The following KIAA1549L variants were observed in gnomAD, a reference collection of about 807,000 sequenced individuals.
The protein encoded by KIAA1549L is KIAA1549 like, also known as UPF0606 protein KIAA1549L.
In KIAA1549L, 88 loss-of-function variants were observed where a neutral mutation model predicts 160.7. The observed-to-expected ratio is 0.55, with a 90% CI of 0.46 to 0.65. KIAA1549L has a LOEUF of 0.65. Among genes scored for constraint, KIAA1549L ranks in the 30% least tolerant of loss-of-function variants. KIAA1549L has a pLI of 0.00. For missense variants in KIAA1549L, 2,258 were observed against 2,437.5 expected, an observed-to-expected ratio of 0.93 and a Z score of 1.55; for synonymous variants, 950 against 976.7, an observed-to-expected ratio of 0.97 and a Z score of 0.51.
At chr11:33,662,380 G>A (rs1243975290) in intron 20 of KIAA1549L, among the ~76,000 whole-genome samples, 1 of 152,144 alleles carries the variant, frequency 6.6e-6, no homozygotes, top group East Asian at 1.9e-4. Flanking sequence ...TGTAAACTTG[G>A]AGTAAATAAG....
At chr11:33,435,798 A>ATGTGTGTGTGTGTGTGTGTGTG (rs1254104673) in intron 1 of KIAA1549L, among the ~76,000 whole-genome samples, 1 of 7,626 alleles carries the variant, frequency 1.3e-4, no homozygotes, top group African/African-American at 8.1e-4. Context: ...ATATATATAT[A>ATGTGTGTGTGTGTGTGTGTGTG]TATATATATA....
At position 33,547,865 on chromosome 11, in the gene KIAA1549L, G is replaced by C; in HGVS notation, c.3487G>C (p.Asp1163His). 2 of 1,611,126 alleles carry C rather than the reference G, an allele frequency of 1.2e-6. No individual in the cohort carries two copies. The highest frequency in any genetic ancestry group is 1.7e-6 in the Non-Finnish European group (2 of 1,177,708). The part of the protein sequence containing the change: ...QALRKAFHQN[D>H]VSAHVDILEY... ...ATTGCGGAAGGCTTTCCACCAGAAC[G>C]ATGTCTCAGCTCACGTAAGTGCTTT... Residue 1163 changes from aspartate to histidine, a missense_variant, in exon 4 of 21, where the codon GAT becomes CAT. By Grantham distance (81) the Asp-to-His change is moderately conservative. Around this residue, in one of 6 missense-constraint regions of KIAA1549L, gnomAD observed 1,359 missense variants for 1,546.6 expected, o/e 0.88. Coordinates refer to ENST00000658780, the MANE Select transcript of KIAA1549L (RefSeq NM_012194.3).
intron 16 of KIAA1549L, among the ~76,000 whole-genome samples, chr11:33,638,083 T>G (rs1019930843): frequency 6.6e-6 from 1 of 152,216 alleles, no homozygotes; most frequent in African/African-American, 2.4e-5. Flanking sequence ...GCTAGCTATG[T>G]CAATCTGTTT....
chr11:33,491,842 C>A (rs1852671933), intron 1 of KIAA1549L, among the ~76,000 whole-genome samples: 1 of 152,148 alleles, frequency 6.6e-6, no homozygotes, highest in Non-Finnish European at 1.5e-5. Flanking sequence ...ACTACTGGGA[C>A]AAAGAGGGCA....
Position 33,645,061 on chromosome 11 carries a change from G to A in KIAA1549L, c.5410-625G>A, listed in dbSNP as rs146423559. ...GTTCAGTGAAGAAAGGCAGGAGAAC[G>A]TTCTAGATCAGTAGATTTCAAATTT... On this transcript the variant is annotated intron_variant, in intron 16 of 20. Coordinates refer to ENST00000658780, the MANE Select transcript of KIAA1549L (RefSeq NM_012194.3). 1.4e-4 allele frequency among the ~76,000 whole-genome samples: 22 copies of A among 152,350 alleles called. No individual in the cohort carries two copies. The South Asian group carries it at 1.4e-3, about 10-fold the overall frequency.
intron 1 of KIAA1549L, among the ~76,000 whole-genome samples, chr11:33,499,707 CA>C (rs1245760432): frequency 6.6e-6 from 1 of 152,200 alleles, no homozygotes; most frequent in Non-Finnish European, 1.5e-5. Context: ...ATCATTTCAT[CA>C]CATTGTAATC....
intron 1 of KIAA1549L, among the ~76,000 whole-genome samples, chr11:33,477,507 G>GCGCA (rs1554981523): frequency 2.6e-4 from 34 of 131,820 alleles, no homozygotes; most frequent in African/African-American, 1.2e-3. Flanking sequence ...GCAGGTGCAC[G>GCGCA]CACACACACA....
intron 1 of KIAA1549L, among the ~76,000 whole-genome samples, chr11:33,528,094 G>A (rs934365048): frequency 2.6e-5 from 4 of 152,146 alleles, no homozygotes; most frequent in South Asian, 4.1e-4. Flanking sequence ...CCATGATTGC[G>A]AGGCCTCCCC....
At chr11:33,585,110 C>T (rs978701125) in intron 11 of KIAA1549L, among the ~76,000 whole-genome samples, 6 of 152,180 alleles carry the variant, frequency 3.9e-5, no homozygotes, top group African/African-American at 9.7e-5. Flanking sequence ...AATGCCAAAG[C>T]GAGTTGTTCT....
intron 1 of KIAA1549L, among the ~76,000 whole-genome samples, chr11:33,419,479 CT>C (rs1430784647): frequency 1.3e-5 from 2 of 152,146 alleles, no homozygotes; most frequent in African/African-American, 4.8e-5. Context: ...AGATTTATTA[CT>C]CTTTGGGATT....
chr11:33,476,130 T>C (rs1317404903), intron 1 of KIAA1549L, among the ~76,000 whole-genome samples: 2 of 152,240 alleles, frequency 1.3e-5, no homozygotes, highest in Non-Finnish European at 2.9e-5. Context: ...TCTATTACTG[T>C]GCTGAAATTG....
intron 1 of KIAA1549L, among the ~76,000 whole-genome samples, chr11:33,520,224 C>T (rs1439234320): frequency 6.6e-6 from 1 of 152,042 alleles, no homozygotes; most frequent in Non-Finnish European, 1.5e-5. Context: ...TACAGTAGAT[C>T]TCCAGATCTT....
At chr11:33,444,794 G>T (rs181623986) in intron 1 of KIAA1549L, among the ~76,000 whole-genome samples, 6 of 152,354 alleles carry the variant, frequency 3.9e-5, no homozygotes, top group Non-Finnish European at 8.8e-5. Flanking sequence ...ACCAGTATTT[G>T]AGTTCAGGGA....
rs777719956 is a variant in KIAA1549L at position 33,656,083 on chromosome 11, T to C, written c.5832T>C (p.Gly1944=). ...SPPPPVPPRT[G]PVAVASLRRS... is the part of the protein sequence containing the mutation. ...CTCCACCCGTACCTCCCCGGACTGGTCCTGTGGCTGTCGCTTCTCTCAGGC... is the reference window on the plus strand; with the variant it reads ...CTCCACCCGTACCTCCCCGGACTGGCCCTGTGGCTGTCGCTTCTCTCAGGC... Residue 1944 remains glycine (G), a synonymous_variant, in exon 18 of 21, where the codon GGT becomes GGC. Coordinates refer to ENST00000658780, the MANE Select transcript of KIAA1549L (RefSeq NM_012194.3). 4 of 1,613,676 alleles carry C rather than the reference T, an allele frequency of 2.5e-6. No individual in the cohort carries two copies. In the Admixed American group the frequency reaches 6.7e-5, roughly 27 times the overall value.
intron 1 of KIAA1549L, among the ~76,000 whole-genome samples, chr11:33,517,392 TGAAGG>T (rs1209153499): frequency 1.3e-5 from 2 of 152,118 alleles, no homozygotes; most frequent in East Asian, 1.9e-4. Context: ...AACATAAAGA[TGAAGG>T]GAAACTTGCC....
chr11:33,629,474 G>T (rs1333995315), intron 16 of KIAA1549L, among the ~76,000 whole-genome samples: 1 of 151,968 alleles, frequency 6.6e-6, no homozygotes, highest in African/African-American at 2.4e-5. Flanking sequence ...TTTCTTGGAG[G>T]CTTTGCTCGT....
intron 8 of KIAA1549L, among the ~76,000 whole-genome samples, chr11:33,562,521 G>A (rs977301417): frequency 7.9e-5 from 12 of 151,998 alleles, no homozygotes; most frequent in African/African-American, 2.2e-4. Context: ...TGGCTTCTTC[G>A]GAGACCTCTC....
intron 1 of KIAA1549L, among the ~76,000 whole-genome samples, chr11:33,502,481 TCA>T (rs1209613998): frequency 1.3e-5 from 2 of 152,166 alleles, no homozygotes; most frequent in Non-Finnish European, 2.9e-5. Flanking sequence ...GCGGTCTTCT[TCA>T]GTTTCTCAAG....
chr11:33,481,079 A>T (rs1031948320), intron 1 of KIAA1549L, among the ~76,000 whole-genome samples: 2 of 152,212 alleles, frequency 1.3e-5, no homozygotes, highest in Non-Finnish European at 2.9e-5. Flanking sequence ...TTTAATGGCT[A>T]GGAATAGTGC....
Sources: gnomAD v4.1 joint callset for allele counts (sites outside exome capture counted in the v4.1 genomes callset) on GRCh38, gnomAD v4.1.1 for gene constraint, gnomAD v4.1.1 regional missense constraint, MANE v1.5 for transcripts, NCBI Gene and HGNC (gene_info 2026-07-23, HGNC 2026-07-21) for gene names.